Variants in SLC52A3 observed in about 807,000 individuals in gnomAD.
SLC52A3 encodes solute carrier family 52, riboflavin transporter, member 3.
Under a neutral mutation model 29.5 loss-of-function variants are expected in SLC52A3, and 20 were observed. The observed-to-expected ratio is 0.68, with a 90% confidence interval of 0.48 to 0.99. The LOEUF (loss-of-function observed/expected upper bound fraction) is 0.99. SLC52A3 is among the 50% of genes least tolerant of loss of function. The pLI is 0.00. For synonymous variants in SLC52A3, 301 were observed against 271.0 expected, an observed-to-expected ratio of 1.11 and a Z score of -1.09; for missense variants, 548 against 612.9, an observed-to-expected ratio of 0.89 and a Z score of 1.12.
intron 3 of SLC52A3, among the ~76,000 whole-genome samples, chr20:762,665 G>A (rs1429935595): frequency 6.6e-6 from 1 of 152,176 alleles, no homozygotes; most frequent in South Asian, 2.1e-4. Flanking sequence ...CTGAGCCTTT[G>A]GTCCTGCTTC....
intron 4 of SLC52A3, 76 bp downstream of exon 4, chr20:761,625 G>A (rs1419936601): frequency 6.3e-6 from 10 of 1,592,454 alleles, no homozygotes; most frequent in African/African-American, 4.0e-5. Context: ...GGAAAGGGCC[G>A]CGCCCAAGCT....
chr20:778,749 C>T (rs62190504), upstream of SLC52A3, among the ~76,000 whole-genome samples: 5,588 of 146,164 alleles, frequency 0.038, 138 homozygotes, highest in Middle Eastern at 0.077. Context: ...TTTTTTGAGA[C>T]GGAGTCTCAC....
In SLC52A3 at chr20:760,900, G is replaced by A. The variant is rs1986434823; in HGVS notation, c.*126C>T. On this transcript the variant is annotated 3_prime_UTR_variant, in exon 5 of 5. Coordinates refer to ENST00000645534, the MANE Select transcript of SLC52A3 (RefSeq NM_033409.4). The surrounding 1 kb of genome is among the most constrained non-coding windows in gnomAD (Gnocchi z 4.9). The stretch of plus-strand genomic sequence containing the variant: ...TGCCATCTTCCCCACAGTCCCCAGT[G>A]GGCACTTGCGTTCATGATTCAATTA... The A allele has an allele frequency of 1.1e-6, 1 of 950,838 alleles. No individual in the cohort carries two copies. Among genetic ancestry groups the A allele is most frequent in the Non-Finnish European group, 1.6e-6 (1 of 629,184 alleles). 58.9% of individuals were successfully genotyped at this position (950,838 alleles called of 1,614,324 possible). A position where few individuals can be genotyped will look rare whatever the true frequency, so the allele number is the denominator to read the frequency against.
chr20:767,512 C>T (rs1244353403), intron 1 of SLC52A3, among the ~76,000 whole-genome samples: 4 of 152,018 alleles, frequency 2.6e-5, no homozygotes, highest in South Asian at 2.1e-4. Flanking sequence ...CCCACCACTA[C>T]GCCCAGCTAA....
intron 2 of SLC52A3, among the ~76,000 whole-genome samples, chr20:764,872 G>A (rs1350014800): frequency 6.6e-6 from 1 of 152,180 alleles, no homozygotes; most frequent in Non-Finnish European, 1.5e-5. Context: ...CTGCATAACA[G>A]TGCAATGTTT....
chr20:761,121 C>T lies in SLC52A3; in HGVS notation c.1315G>A (p.Gly439Ser). Residue 439 changes from glycine to serine, a missense_variant, in exon 5 of 5, where the codon GGC (glycine) becomes AGC (serine). Physicochemically the swap from Gly to Ser is moderately conservative, Grantham distance 56. This residue lies in a region of SLC52A3 where 173 missense variants were observed against 141.8 expected (regional missense o/e 1.22). Transcript: ENST00000645534. ...ATGAGCAGCGCTCCGAGCAGCGAGCCCAGCTGCACCGCCGCCCCGCACCAC... is the reference window on the plus strand; with the variant it reads ...ATGAGCAGCGCTCCGAGCAGCGAGCTCAGCTGCACCGCCGCCCCGCACCAC... The part of the protein sequence containing the change: ...LLWCGAAVQL[G>S]SLLGALLMFP... 1 of 1,599,664 alleles carries T rather than the reference C, an allele frequency of 6.3e-7. No individual in the cohort carries two copies. The highest frequency in any genetic ancestry group is 8.5e-7 in the Non-Finnish European group (1 of 1,174,236).
upstream of SLC52A3, among the ~76,000 whole-genome samples, chr20:776,756 GTT>G (rs376746178): frequency 4.7e-4 from 72 of 152,074 alleles, no homozygotes; most frequent in East Asian, 0.01. Flanking sequence ...TAGGGGAAGA[GTT>G]GGGGGTGGCC....
chr20:773,737 A>G (rs6054685), intron 1 of SLC52A3, among the ~76,000 whole-genome samples: 114,020 of 152,148 alleles, frequency 0.75, 43,723 homozygotes, highest in Middle Eastern at 0.86. Flanking sequence ...GGCGACAGAT[A>G]GAGAAGCTAG....
At chr20:767,002 T>C (rs887920133) in intron 1 of SLC52A3, among the ~76,000 whole-genome samples, 1 of 151,746 alleles carries the variant, frequency 6.6e-6, no homozygotes, top group Non-Finnish European at 1.5e-5. Flanking sequence ...ATGACTCATG[T>C]TCAAGGTTAT....
upstream of SLC52A3, among the ~76,000 whole-genome samples, chr20:769,602 A>G (rs1039972824): frequency 6.6e-6 from 1 of 152,184 alleles, no homozygotes; most frequent in African/African-American, 2.4e-5. Flanking sequence ...GCATTCAAAA[A>G]CATGTAGTTA....
chr20:760,858 C>T lies in SLC52A3; in HGVS notation c.*168G>A. 1 of 670,548 alleles carries T rather than the reference C, an allele frequency of 1.5e-6. No homozygotes were observed. The highest frequency in any genetic ancestry group is 2.7e-5 in the East Asian group (1 of 36,604). 41.5% of individuals were successfully genotyped at this position (670,548 alleles called of 1,614,324 possible). A position where few individuals can be genotyped will look rare whatever the true frequency, so the allele number is the denominator to read the frequency against. On this transcript the variant is annotated 3_prime_UTR_variant, in exon 5 of 5. Transcript: ENST00000645534. This position sits in a 1 kb window ranked among gnomAD's most constrained non-coding sequence, Gnocchi z 4.9. The stretch of plus-strand genomic sequence containing the variant: ...TGACACAGAGTTGGGGATAGAGCCG[C>T]ACCTTGCATTTCCAGGTGCCATCTT...
chr20:767,312 G>T (rs985885512), intron 1 of SLC52A3, among the ~76,000 whole-genome samples: 1 of 151,994 alleles, frequency 6.6e-6, no homozygotes, highest in Non-Finnish European at 1.5e-5. Flanking sequence ...AGCAACCCTT[G>T]AAGGACACAC....
chr20:768,220 T>G (rs1327005482), intron 1 of SLC52A3, 77 bp downstream of exon 1: 2 of 152,188 alleles, frequency 1.3e-5, no homozygotes, highest in Non-Finnish European at 2.9e-5. Context: ...TTTGTCTAAT[T>G]CACATGAGAA....
upstream of SLC52A3, among the ~76,000 whole-genome samples, chr20:779,119 G>A (rs1399985624): frequency 6.6e-6 from 1 of 152,114 alleles, no homozygotes; most frequent in East Asian, 1.9e-4. Context: ...TTTCTTTAGG[G>A]AAAGGACTTA....
rs201100567 is a variant in SLC52A3, at chr20:765,230, G to A, written c.545C>T (p.Thr182Met). ...TACCTGTGCGATGTCAGTCTCCCTC[G>A]TGGGTACAGGGCTTGGTACGCTGTC... ...ISDSVPSPVP[T>M]RETDIAQGVP... Residue 182 changes from threonine to methionine, a missense_variant, in exon 2 of 5, where the codon ACG becomes ATG. By Grantham distance (81) the Thr-to-Met change is moderately conservative. Transcript: ENST00000645534. This position sits in a 1 kb window ranked among gnomAD's most constrained non-coding sequence, Gnocchi z 6.6. 9.9e-6 allele frequency: 16 copies of A among 1,614,052 alleles called. No individual in the cohort carries two copies. The highest frequency in any genetic ancestry group is 1.0e-5 in the Non-Finnish European group (12 of 1,180,048).
chr20:764,500 G>C (rs1986608291), intron 2 of SLC52A3, among the ~76,000 whole-genome samples: 1 of 151,678 alleles, frequency 6.6e-6, no homozygotes, highest in African/African-American at 2.4e-5. Context: ...CCCACCTAAG[G>C]GGAGAATCCC....
At position 763,910 on chromosome 20, in the gene SLC52A3, G is replaced by C; in HGVS notation, c.661C>G (p.Leu221Val). 6.2e-7 allele frequency: 1 copy of C among 1,614,122 alleles called. No individual in the cohort carries two copies. The highest frequency in any genetic ancestry group is 8.5e-7 in the Non-Finnish European group (1 of 1,179,990). ...SRYLPAHFSP[L>V]VFFLLLSIMM... Reference sequence around the variant, plus strand: ...ATGGATAGGAGGAGGAAGAAGACCAGGGGTGAGAAGTGGGCGGGAAGGTAG... The same window carrying C: ...ATGGATAGGAGGAGGAAGAAGACCACGGGTGAGAAGTGGGCGGGAAGGTAG... The change falls in exon 3 of 5, where the codon CTG becomes GTG. Residue 221 changes from leucine (L) to valine (V), a missense_variant. Physicochemically the swap from Leu to Val is conservative, Grantham distance 32. This residue lies in a region of SLC52A3 where 375 missense variants were observed against 471.1 expected (regional missense o/e 0.80). Coordinates refer to ENST00000645534, the MANE Select transcript of SLC52A3 (RefSeq NM_033409.4).
At chr20:762,310 G>A (rs1418427590) in intron 3 of SLC52A3, among the ~76,000 whole-genome samples, 1 of 152,214 alleles carries the variant, frequency 6.6e-6, no homozygotes. Context: ...AGTAGGGTTT[G>A]CTGTGCCTCC....
chr20:772,944 G>C (rs1001001415), upstream of SLC52A3, among the ~76,000 whole-genome samples: 2 of 152,220 alleles, frequency 1.3e-5, no homozygotes, highest in African/African-American at 2.4e-5. Context: ...CTCTGTCCCA[G>C]AAGTGGATTT....
Sources: gnomAD v4.1 joint callset for allele counts (sites outside exome capture counted in the v4.1 genomes callset) on GRCh38, gnomAD v4.1.1 for gene constraint, gnomAD v4.1.1 regional missense constraint, Gnocchi (gnomAD v3.1) non-coding constraint, MANE v1.5 for transcripts, NCBI Gene and HGNC (gene_info 2026-07-23, HGNC 2026-07-21) for gene names.